Variants in SGCZ observed in about 807,000 individuals in gnomAD.
SGCZ encodes the protein sarcoglycan zeta, also known as zeta-sarcoglycan.
SGCZ carries 40 observed loss-of-function variants against 41.3 expected under a neutral mutation model. The observed-to-expected ratio is 0.97, with a 90% CI of 0.75 to 1.26. The LOEUF is 1.26. Among genes scored for constraint, SGCZ ranks in the 50% most tolerant of loss-of-function variants. The probability of loss-of-function intolerance (pLI) is 0.00; values close to 1 mark genes in which losing one functional copy is unlikely to be tolerated. For synonymous variants in SGCZ, 206 were observed against 137.5 expected (o/e 1.50, Z -3.49); for missense variants, 552 against 369.8 (o/e 1.49, Z -4.04).
chr8:14,535,943 T>C (rs13272979), intron 2 of SGCZ, among the ~76,000 whole-genome samples: 20,790 of 151,794 alleles, frequency 0.14, 1,569 homozygotes, highest in South Asian at 0.2. Flanking sequence ...TTACAAATTA[T>C]TGATGATCTT....
chr8:15,026,045 T>C (rs1168273727), intron 1 of SGCZ, among the ~76,000 whole-genome samples: 3 of 152,030 alleles, frequency 2.0e-5, no homozygotes, highest in Non-Finnish European at 4.4e-5. Context: ...TATACAAAAT[T>C]AACAAAAGTC....
intron 1 of SGCZ, among the ~76,000 whole-genome samples, chr8:15,162,089 T>C (rs1799527481): frequency 6.6e-6 from 1 of 152,204 alleles, no homozygotes; most frequent in Non-Finnish European, 1.5e-5. Context: ...TCTTAAAGAA[T>C]TTTAATCTTA....
intron 1 of SGCZ, among the ~76,000 whole-genome samples, chr8:14,905,886 C>T (rs970814800): frequency 9.9e-5 from 15 of 151,770 alleles, no homozygotes; most frequent in African/African-American, 3.6e-4. Context: ...TACACACATA[C>T]ACCTATGTAT....
chr8:14,375,734 G>C (rs1804096802), intron 2 of SGCZ, among the ~76,000 whole-genome samples: 1 of 152,102 alleles, frequency 6.6e-6, no homozygotes, highest in Admixed American at 6.5e-5. Context: ...GCAAAATAAA[G>C]TTTATAGCCT....
intron 1 of SGCZ, among the ~76,000 whole-genome samples, chr8:14,968,267 A>G (rs1170643081): frequency 6.6e-6 from 1 of 152,158 alleles, no homozygotes; most frequent in African/African-American, 2.4e-5. Flanking sequence ...TTGTATTTCT[A>G]TTAAGATTTT....
At chr8:14,936,818 C>A (rs966625990) in intron 1 of SGCZ, among the ~76,000 whole-genome samples, 1 of 151,634 alleles carries the variant, frequency 6.6e-6, no homozygotes, top group Non-Finnish European at 1.5e-5. Context: ...ATTCAAAAAA[C>A]AAATCAAGAT....
intron 2 of SGCZ, among the ~76,000 whole-genome samples, chr8:14,452,939 C>A (rs1195039218): frequency 5.3e-5 from 8 of 151,750 alleles, no homozygotes; most frequent in Non-Finnish European, 1.0e-4. Flanking sequence ...CCAGTCTCTA[C>A]CAAAAATACA....
At chr8:14,403,868 T>C (rs561479907) in intron 2 of SGCZ, among the ~76,000 whole-genome samples, 3 of 152,298 alleles carry the variant, frequency 2.0e-5, no homozygotes, top group Admixed American at 1.3e-4. Flanking sequence ...ATTTTTTATT[T>C]CTCAGAGCTT....
chr8:14,294,853 T>G (rs1004920706), intron 3 of SGCZ, among the ~76,000 whole-genome samples: 1 of 152,016 alleles, frequency 6.6e-6, no homozygotes, highest in Non-Finnish European at 1.5e-5. Context: ...AAAACTACAG[T>G]GCACTGCCAC....
intron 4 of SGCZ, among the ~76,000 whole-genome samples, chr8:14,231,739 T>C (rs1806579279): frequency 6.6e-6 from 1 of 152,114 alleles, no homozygotes; most frequent in Non-Finnish European, 1.5e-5. Context: ...GGGCATATCA[T>C]CCAGATTTCT....
rs1801859779 is a variant in SGCZ at position 14,319,916 on chromosome 8, T to C, written c.336+4187A>G. On this transcript the variant is annotated intron_variant, in intron 3 of 7. Transcript: ENST00000382080. ...ATTTATAATCTTTTATTCTTAACCATAAAGACAAGTTTTATTTTAAAAAGT... is the reference window on the plus strand; with the variant it reads ...ATTTATAATCTTTTATTCTTAACCACAAAGACAAGTTTTATTTTAAAAAGT... Among the ~76,000 whole-genome samples the C allele has an allele frequency of 2.0e-5, 3 of 152,154 alleles. No individual in the cohort carries two copies. In the East Asian group the frequency reaches 5.8e-4, roughly 29 times the overall value.
chr8:15,043,962 G>T (rs1458323190), intron 1 of SGCZ, among the ~76,000 whole-genome samples: 4 of 152,028 alleles, frequency 2.6e-5, no homozygotes, highest in African/African-American at 9.7e-5. Context: ...CTCTGGAAAA[G>T]AGTTTGAAAA....
At chr8:14,719,078 C>T (rs1217402024) in intron 1 of SGCZ, among the ~76,000 whole-genome samples, 1 of 146,246 alleles carries the variant, frequency 6.8e-6, no homozygotes, top group African/African-American at 2.5e-5. Context: ...TGTTCAACTC[C>T]CACCTATGAG....
intron 2 of SGCZ, among the ~76,000 whole-genome samples, chr8:14,465,720 C>G (rs1028926907): frequency 6.6e-6 from 1 of 151,688 alleles, no homozygotes; most frequent in Admixed American, 6.6e-5. Flanking sequence ...AGTTATAGCA[C>G]TTTAATTTGA....
intron 1 of SGCZ, among the ~76,000 whole-genome samples, chr8:14,663,680 T>C (rs1312989890): frequency 6.6e-6 from 1 of 152,196 alleles, no homozygotes; most frequent in Non-Finnish European, 1.5e-5. Flanking sequence ...TTCACAGGCT[T>C]ATAGCCTTCA....
chr8:15,193,097 G>A (rs1407637979), intron 1 of SGCZ, among the ~76,000 whole-genome samples: 9 of 152,010 alleles, frequency 5.9e-5, no homozygotes, highest in Non-Finnish European at 1.3e-4. Context: ...TTTAAATCAC[G>A]TAGGTAAGCA....
intron 1 of SGCZ, among the ~76,000 whole-genome samples, chr8:14,794,334 A>G (rs1801053243): frequency 6.6e-6 from 1 of 152,200 alleles, no homozygotes; most frequent in Non-Finnish European, 1.5e-5. Flanking sequence ...ATGAATATCA[A>G]GAGAAAAAGA....
At chr8:14,950,126 G>A (rs998103449) in intron 1 of SGCZ, among the ~76,000 whole-genome samples, 5 of 151,898 alleles carry the variant, frequency 3.3e-5, no homozygotes, top group Non-Finnish European at 7.4e-5. Flanking sequence ...CTCTCTCCAG[G>A]GGTAGTGTAT....
At chr8:15,004,005 CTGAGAAAAG>C (rs1414939750) in intron 1 of SGCZ, among the ~76,000 whole-genome samples, 2 of 152,020 alleles carry the variant, frequency 1.3e-5, no homozygotes, top group Non-Finnish European at 2.9e-5. Flanking sequence ...GGGGAAGCCC[CTGAGAAAAG>C]TGAGGTCTGG....
Sources: allele counts gnomAD v4.1 joint callset (sites outside exome capture counted in the v4.1 genomes callset), GRCh38; gene constraint gnomAD v4.1.1; transcripts MANE v1.5; gene names NCBI Gene and HGNC (gene_info 2026-07-23, HGNC 2026-07-21).